Variants in MICU1 observed in about 807,000 individuals in gnomAD.
MICU1 encodes the protein mitochondrial calcium uptake 1.
MICU1 carries 45 observed loss-of-function variants against 56.8 expected under a neutral mutation model. The observed-to-expected ratio is 0.79, with a 90% confidence interval of 0.62 to 1.02. The LOEUF (loss-of-function observed/expected upper bound fraction) is 1.02. Among genes scored for constraint, MICU1 ranks in the 50% least tolerant of loss-of-function variants. The pLI is 0.00. For synonymous variants in MICU1, 186 were observed against 195.1 expected (o/e 0.95, Z 0.39); for missense variants, 504 against 587.1 (o/e 0.86, Z 1.46).
At chr10:72,410,073 G>A (rs1224221598) in intron 9 of MICU1, among the ~76,000 whole-genome samples, 2 of 152,068 alleles carry the variant, frequency 1.3e-5, no homozygotes, top group South Asian at 2.1e-4. Context: ...TACAAAAACC[G>A]TTGCTTAATT....
At chr10:72,535,854 T>C (rs754036302) in intron 4 of MICU1, among the ~76,000 whole-genome samples, 14 of 152,172 alleles carry the variant, frequency 9.2e-5, no homozygotes, top group Non-Finnish European at 2.1e-4. Flanking sequence ...TTTAAAATTT[T>C]CTAACAGCCA....
chr10:72,421,674 G>T (rs1412209942), intron 9 of MICU1, among the ~76,000 whole-genome samples: 3 of 152,136 alleles, frequency 2.0e-5, no homozygotes, highest in Non-Finnish European at 4.4e-5. Context: ...CAACCTCAAG[G>T]CTGCTCAAAA....
At chr10:72,559,450 A>C (rs1840237436) in intron 3 of MICU1, among the ~76,000 whole-genome samples, 1 of 151,794 alleles carries the variant, frequency 6.6e-6, no homozygotes, top group South Asian at 2.1e-4. Context: ...TAAAATATAA[A>C]AACATATTAC....
intron 8 of MICU1, among the ~76,000 whole-genome samples, chr10:72,459,988 T>C (rs1305661779): frequency 1.3e-5 from 2 of 152,228 alleles, no homozygotes; most frequent in Non-Finnish European, 2.9e-5. Context: ...GACTACCTTA[T>C]GATTTTCTCC....
chr10:72,554,844 A>G (rs974737119), intron 3 of MICU1, among the ~76,000 whole-genome samples: 1 of 152,078 alleles, frequency 6.6e-6, no homozygotes, highest in African/African-American at 2.4e-5. Context: ...GTGAAACCCC[A>G]TCTCTACTAA....
intron 4 of MICU1, among the ~76,000 whole-genome samples, chr10:72,545,936 T>C (rs1839883984): frequency 6.6e-6 from 1 of 152,236 alleles, no homozygotes; most frequent in Non-Finnish European, 1.5e-5. Context: ...ACAGTCTGTT[T>C]TGTCAATCTT....
intron 4 of MICU1, among the ~76,000 whole-genome samples, chr10:72,550,104 A>G (rs1204935571): frequency 6.6e-6 from 1 of 152,192 alleles, no homozygotes; most frequent in East Asian, 1.9e-4. Flanking sequence ...ACCAATAATA[A>G]CATCATAGTA....
chr10:72,586,553 G>A (rs1438098656), intron 1 of MICU1, among the ~76,000 whole-genome samples: 2 of 151,940 alleles, frequency 1.3e-5, no homozygotes, highest in East Asian at 3.9e-4. Flanking sequence ...TCGGGAGGCT[G>A]AGGCAGGAGA....
chr10:72,507,817 C>T (rs1867305678), intron 6 of MICU1, among the ~76,000 whole-genome samples: 3 of 152,012 alleles, frequency 2.0e-5, no homozygotes, highest in Admixed American at 2.0e-4. Flanking sequence ...GGGGTTTCAC[C>T]ATGTTGCCCA....
intron 1 of MICU1, among the ~76,000 whole-genome samples, chr10:72,577,424 G>A: frequency 6.6e-6 from 1 of 151,672 alleles, no homozygotes; most frequent in Non-Finnish European, 1.5e-5. Context: ...CAGGAGAATT[G>A]CTTGAACCCG....
chr10:72,494,861 A>G (rs1026078513), intron 6 of MICU1, among the ~76,000 whole-genome samples: 3 of 152,076 alleles, frequency 2.0e-5, no homozygotes, highest in African/African-American at 7.2e-5. Context: ...AAAAAACAAA[A>G]CAAAAAACCA....
intron 5 of MICU1, among the ~76,000 whole-genome samples, chr10:72,530,640 A>G (rs1176900269): frequency 1.3e-5 from 2 of 152,184 alleles, no homozygotes; most frequent in Non-Finnish European, 2.9e-5. Context: ...AGTGCCAATA[A>G]TAATGTATTT....
intron 4 of MICU1, among the ~76,000 whole-genome samples, chr10:72,550,477 C>T (rs1840008874): frequency 6.6e-6 from 1 of 152,174 alleles, no homozygotes; most frequent in Non-Finnish European, 1.5e-5. Flanking sequence ...CGTGACGGTA[C>T]AATCAATTCT....
At chr10:72,536,510 C>A (rs572777904) in intron 4 of MICU1, among the ~76,000 whole-genome samples, 4 of 151,682 alleles carry the variant, frequency 2.6e-5, no homozygotes, top group African/African-American at 9.7e-5. Flanking sequence ...CCATGCCCGG[C>A]TAATTTTTTT....
chr10:72,604,343 G>A (rs1018136760), intron 1 of MICU1, among the ~76,000 whole-genome samples: 1 of 95,006 alleles, frequency 1.1e-5, no homozygotes, highest in Admixed American at 9.7e-5. Flanking sequence ...TTGTGATCTC[G>A]GCTCACTGCA....
In MICU1 at chr10:72,368,307, C is replaced by T. The variant is rs765412200; in HGVS notation, c.1319G>A (p.Arg440Gln). ...GGGCTTTTCCAGGCCTCTCATCAGC[C>T]GTTGCTTCATGATGGAAACAAATTC... Reference protein sequence around the residue: ...NKEFVSIMKQRLMRGLEKPKD... With the variant: ...NKEFVSIMKQQLMRGLEKPKD... The change falls in exon 12 of 12, where the codon CGG (arginine) becomes CAG (glutamine). Residue 440 changes from arginine (R) to glutamine (Q), a missense_variant. Coordinates refer to ENST00000361114, the MANE Select transcript of MICU1 (RefSeq NM_001195518.2). 14 of 1,613,832 alleles carry T rather than the reference C, an allele frequency of 8.7e-6. No individual in the cohort carries two copies. The highest frequency in any genetic ancestry group is 3.3e-5 in the Admixed American group (2 of 59,998).
Position 72,482,823 on chromosome 10 carries a change from C to CTA in MICU1, c.653-5569_653-5568dup, listed in dbSNP as rs535404812. The stretch of plus-strand genomic sequence containing the variant: ...AATGGTCAATGCCCCCATAAATGCA[C>CTA]TATATATATATACATATATATATAT... On this transcript the variant is annotated intron_variant, in intron 6 of 11. Transcript: ENST00000361114. 5.5e-3 allele frequency among the ~76,000 whole-genome samples: 594 copies of CTA among 107,954 alleles called. 1 individual carries two copies. The highest frequency in any genetic ancestry group is 0.015 in the East Asian group (75 of 4,908). The allele number at this position is 107,954 out of a possible 152,430, so 70.8% of individuals were successfully genotyped here.
intron 10 of MICU1, among the ~76,000 whole-genome samples, chr10:72,391,638 A>G (rs1411523989): frequency 6.6e-6 from 1 of 152,134 alleles, no homozygotes; most frequent in African/African-American, 2.4e-5. Context: ...TGAACTGCAT[A>G]GGTCCACTTA....
chr10:72,499,337 A>G (rs1866950968), intron 6 of MICU1, among the ~76,000 whole-genome samples: 1 of 152,212 alleles, frequency 6.6e-6, no homozygotes, highest in African/African-American at 2.4e-5. Context: ...GCTTGAATGA[A>G]TTCAACATCA....
Sources: allele counts gnomAD v4.1 joint callset (sites outside exome capture counted in the v4.1 genomes callset), GRCh38; gene constraint gnomAD v4.1.1; transcripts MANE v1.5; gene names NCBI Gene and HGNC (gene_info 2026-07-23, HGNC 2026-07-21).